Variants in IGFL4 observed in about 807,000 individuals in gnomAD.
IGFL4 encodes insulin growth factor-like family member 4.
In IGFL4, 12 loss-of-function variants were observed where a neutral mutation model predicts 15.4. The ratio of observed to expected loss-of-function variants is 0.78; its 90% CI spans 0.50 to 1.26. The LOEUF (loss-of-function observed/expected upper bound fraction) is 1.26. Among genes scored for constraint, IGFL4 ranks in the 50% most tolerant of loss-of-function variants. The probability of loss-of-function intolerance (pLI) is 0.00; values close to 1 mark genes in which losing one functional copy is unlikely to be tolerated. For synonymous variants in IGFL4, 54 were observed against 55.9 expected (o/e 0.97, Z 0.16); for missense variants, 126 against 147.8 (o/e 0.85, Z 0.76).
upstream of IGFL4, among the ~76,000 whole-genome samples, chr19:46,044,686 C>T (rs2146511442): frequency 6.6e-6 from 1 of 152,306 alleles, no homozygotes; most frequent in South Asian, 2.1e-4. Context: ...CCCATTCCTC[C>T]TGACTGGGTG....
At chr19:46,075,449 A>G (rs1969586590) in intron 1 of IGFL4, among the ~76,000 whole-genome samples, 1 of 152,162 alleles carries the variant, frequency 6.6e-6, no homozygotes, top group Non-Finnish European at 1.5e-5. Context: ...TTCTGGCACA[A>G]GATGCTTCAG....
chr19:46,050,011 G>A (rs1489170802), intron 2 of IGFL4, among the ~76,000 whole-genome samples: 1 of 152,186 alleles, frequency 6.6e-6, no homozygotes. Context: ...ACACTCCCCA[G>A]TACCAGCCTG....
chr19:46,047,824 C>G (rs1969310761), intron 2 of IGFL4, among the ~76,000 whole-genome samples: 1 of 152,140 alleles, frequency 6.6e-6, no homozygotes. Context: ...GCATTCACAG[C>G]TGAATTCTAC....
chr19:46,077,322 T>C (rs1215935547), upstream of IGFL4, among the ~76,000 whole-genome samples: 1 of 151,842 alleles, frequency 6.6e-6, no homozygotes, highest in Non-Finnish European at 1.5e-5. The surrounding 1 kb of genome is among the most constrained non-coding windows in gnomAD (Gnocchi z 5.4). Context: ...CTGGCTCAAA[T>C]CCCCGTGGAA....
At chr19:46,058,549 T>C (rs1417138190) in intron 2 of IGFL4, 2 of 152,352 alleles carry the variant, frequency 1.3e-5, no homozygotes, top group South Asian at 2.1e-4. Flanking sequence ...GGGGACTCTG[T>C]GTGGGGTTTC....
chr19:46,048,740 A>G (rs1448018439), intron 2 of IGFL4, among the ~76,000 whole-genome samples: 2 of 152,228 alleles, frequency 1.3e-5, no homozygotes, highest in Admixed American at 6.5e-5. Flanking sequence ...AAGGAGAACT[A>G]CAAATCACTG....
intron 1 of IGFL4, chr19:46,063,071 G>C (rs1338844222): frequency 1.3e-5 from 2 of 152,172 alleles, no homozygotes; most frequent in East Asian, 3.8e-4. Context: ...ATCTGCCTAA[G>C]ATGGGCCTTG....
chr19:46,057,618 A>G (rs1186138514), intron 2 of IGFL4: 4 of 152,190 alleles, frequency 2.6e-5, no homozygotes, highest in Non-Finnish European at 4.4e-5. Context: ...TATAAGATAA[A>G]CAAAGTATAC....
At chr19:46,071,214 G>A (rs1187162618) in intron 1 of IGFL4, among the ~76,000 whole-genome samples, 4 of 151,518 alleles carry the variant, frequency 2.6e-5, no homozygotes, top group Non-Finnish European at 4.4e-5. Flanking sequence ...TCACGCCAGC[G>A]GCACACCAGC....
At chr19:46,064,523 T>G (rs1388685135) in intron 1 of IGFL4, among the ~76,000 whole-genome samples, 1 of 152,280 alleles carries the variant, frequency 6.6e-6, no homozygotes, top group East Asian at 1.9e-4. Context: ...TCTATCTCCA[T>G]GAGTTCAATT....
At chr19:46,073,791 A>T (rs1038185550) in intron 1 of IGFL4, among the ~76,000 whole-genome samples, 1 of 152,178 alleles carries the variant, frequency 6.6e-6, no homozygotes, top group Non-Finnish European at 1.5e-5. Context: ...TTATAGACTC[A>T]CAATCTCAAC....
intron 1 of IGFL4, among the ~76,000 whole-genome samples, chr19:46,071,508 T>C (rs1276198813): frequency 6.6e-6 from 1 of 152,160 alleles, no homozygotes; most frequent in African/African-American, 2.4e-5. Context: ...AAATAAATAA[T>C]CTTCATTGAA....
chr19:46,075,591 A>G (rs1263322583), intron 1 of IGFL4, among the ~76,000 whole-genome samples: 1 of 152,180 alleles, frequency 6.6e-6, no homozygotes, highest in African/African-American at 2.4e-5. Context: ...GTAAAGTACC[A>G]TTTCTATCAC....
At chr19:46,069,126 T>G (rs185710674) in intron 1 of IGFL4, among the ~76,000 whole-genome samples, 2 of 152,284 alleles carry the variant, frequency 1.3e-5, no homozygotes, top group African/African-American at 4.8e-5. Context: ...TTTCACATGG[T>G]TGAATGTCCC....
chr19:46,047,403 G>T (rs981617027), intron 2 of IGFL4, among the ~76,000 whole-genome samples: 1 of 149,498 alleles, frequency 6.7e-6, no homozygotes, highest in Non-Finnish European at 1.5e-5. Flanking sequence ...ACCAAGATAA[G>T]TTATTGGTTA....
chr19:46,041,381 T>G (rs1478671158), upstream of IGFL4, among the ~76,000 whole-genome samples: 2 of 152,114 alleles, frequency 1.3e-5, no homozygotes, highest in Non-Finnish European at 2.9e-5. Flanking sequence ...CACCCTGAAG[T>G]TTCAAGGAGT....
chr19:46,057,459 C>T (rs1969403546), intron 2 of IGFL4, among the ~76,000 whole-genome samples: 1 of 151,918 alleles, frequency 6.6e-6, no homozygotes, highest in Non-Finnish European at 1.5e-5. Context: ...ATAAATCAGC[C>T]GTGCTAACAT....
At chr19:46,067,185 T>C (rs1969503087) in intron 1 of IGFL4, among the ~76,000 whole-genome samples, 1 of 152,170 alleles carries the variant, frequency 6.6e-6, no homozygotes, top group Non-Finnish European at 1.5e-5. Flanking sequence ...AAACCTTTAG[T>C]AAGGATGATC....
upstream of IGFL4, among the ~76,000 whole-genome samples, chr19:46,042,405 G>A (rs1969255354): frequency 6.6e-6 from 1 of 152,100 alleles, no homozygotes; most frequent in Non-Finnish European, 1.5e-5. Context: ...TGTGAATACC[G>A]CATTATAACT....
Sources: allele counts gnomAD v4.1 joint callset (sites outside exome capture counted in the v4.1 genomes callset), GRCh38; gene constraint gnomAD v4.1.1; non-coding constraint Gnocchi (gnomAD v3.1); transcripts MANE v1.5; gene names NCBI Gene and HGNC (gene_info 2026-07-23, HGNC 2026-07-21).